RASGRF1: variants seen among roughly 807,000 people sequenced by gnomAD.
The protein encoded by RASGRF1 is ras-specific guanine nucleotide-releasing factor 1.
In RASGRF1, 40 loss-of-function variants were observed where a neutral mutation model predicts 138.7. That is an observed-to-expected ratio of 0.29 (90% CI 0.22 to 0.38). The LOEUF is 0.38. RASGRF1 is among the 10% of genes least tolerant of loss of function. RASGRF1 has a pLI of 1.00. For synonymous variants in RASGRF1, 614 were observed against 663.2 expected, an observed-to-expected ratio of 0.93 and a Z score of 1.14; for missense variants, 1,108 against 1,650.4, an observed-to-expected ratio of 0.67 and a Z score of 5.69.
chr15:79,079,914 C>T (rs1378572413), intron 1 of RASGRF1, among the ~76,000 whole-genome samples: 1 of 152,200 alleles, frequency 6.6e-6, no homozygotes, highest in Non-Finnish European at 1.5e-5. Flanking sequence ...TCCCTGGGAC[C>T]CCACCATTTA....
chr15:79,075,096 G>A (rs1484831760), intron 1 of RASGRF1, among the ~76,000 whole-genome samples: 1 of 152,192 alleles, frequency 6.6e-6, no homozygotes, highest in Non-Finnish European at 1.5e-5. Flanking sequence ...AACCATGGCT[G>A]GACACTGGAG....
At chr15:79,064,292 T>G (rs1035828879) in intron 2 of RASGRF1, 128 bp downstream of exon 2, 29 of 848,992 alleles carry the variant, frequency 3.4e-5, no homozygotes, top group Non-Finnish European at 4.8e-5. Context: ...TGCCAAGAGA[T>G]GCTTCTCCTC....
Position 78,961,609 on chromosome 15 carries a change from G to C in RASGRF1, c.*535C>G, listed in dbSNP as rs77239620. ...CAGGTTACTGGGAGACACATGGGGA[G>C]TTTTGAGACCTGCGATTTTGGCTGG... is the stretch of plus-strand genomic sequence containing the variant. On this transcript the variant is annotated 3_prime_UTR_variant, in exon 27 of 27. Transcript: ENST00000558480. The C allele has an allele frequency of 1.0e-2, 1,549 of 155,112 alleles. 42 individuals carry two copies. Among genetic ancestry groups the C allele is most frequent in the African/African-American group, 0.036 (1,498 of 41,574 alleles). 9.6% of individuals were successfully genotyped at this position (155,112 alleles called of 1,614,324 possible).
chr15:79,043,336 G>A (rs2141019669), intron 5 of RASGRF1, among the ~76,000 whole-genome samples: 1 of 152,306 alleles, frequency 6.6e-6, no homozygotes, highest in South Asian at 2.1e-4. Flanking sequence ...TGATATAAGG[G>A]TAATGCTGAC....
chr15:79,005,667 T>A (rs1422473338), intron 14 of RASGRF1: 1 of 985,406 alleles, frequency 1.0e-6, no homozygotes, highest in Non-Finnish European at 1.2e-6. Flanking sequence ...AAGGGCTCCA[T>A]CATTTCTTAG....
At chr15:79,047,609 C>T (rs1428759514) in intron 4 of RASGRF1, among the ~76,000 whole-genome samples, 1 of 152,220 alleles carries the variant, frequency 6.6e-6, no homozygotes, top group African/African-American at 2.4e-5. Context: ...GTCCTAGTGC[C>T]TGCCTGGAGC....
intron 26 of RASGRF1, 33 bp downstream of exon 26, chr15:78,971,833 G>A (rs771061955): frequency 5.2e-6 from 8 of 1,531,066 alleles, no homozygotes; most frequent in Non-Finnish European, 7.2e-6. Flanking sequence ...CACTGTGAAA[G>A]CATGCAAGTG....
intron 13 of RASGRF1, among the ~76,000 whole-genome samples, chr15:79,014,278 A>G (rs1175775471): frequency 6.6e-6 from 1 of 152,256 alleles, no homozygotes; most frequent in Non-Finnish European, 1.5e-5. Context: ...TCATTACGCA[A>G]AAAAGATCCT....
intron 20 of RASGRF1, among the ~76,000 whole-genome samples, chr15:78,994,836 G>A (rs2056354849): frequency 6.6e-6 from 1 of 152,064 alleles, no homozygotes. Context: ...TCGCTCTGGA[G>A]TCAGCCAGAC....
At chr15:79,061,923 A>G (rs1302173449) in intron 2 of RASGRF1, among the ~76,000 whole-genome samples, 6 of 152,218 alleles carry the variant, frequency 3.9e-5, no homozygotes, top group Admixed American at 3.3e-4. Context: ...AAGCACTAAG[A>G]AGTGGAACTG....
chr15:78,969,270 G>A (rs568048231), intron 26 of RASGRF1, among the ~76,000 whole-genome samples: 2 of 152,238 alleles, frequency 1.3e-5, no homozygotes, highest in African/African-American at 2.4e-5. Context: ...CAGTTGTCTC[G>A]CAGAATGTCC....
intron 20 of RASGRF1, among the ~76,000 whole-genome samples, chr15:78,992,692 T>G (rs1196637210): frequency 6.6e-6 from 1 of 152,198 alleles, no homozygotes; most frequent in African/African-American, 2.4e-5. Context: ...CTCTGAGAGA[T>G]GACTGTCTCG....
intron 1 of RASGRF1, among the ~76,000 whole-genome samples, chr15:79,084,930 G>A (rs1047386813): frequency 6.6e-6 from 1 of 152,088 alleles, no homozygotes; most frequent in Admixed American, 6.5e-5. Context: ...GTGTCTCTTG[G>A]TGAAGTTTTT....
intron 1 of RASGRF1, among the ~76,000 whole-genome samples, chr15:79,077,794 T>G (rs1178838807): frequency 6.6e-6 from 1 of 151,990 alleles, no homozygotes; most frequent in Non-Finnish European, 1.5e-5. Flanking sequence ...ATTACCCACC[T>G]GGACCATCAA....
intron 22 of RASGRF1, among the ~76,000 whole-genome samples, chr15:78,986,639 G>A (rs940778005): frequency 1.3e-4 from 20 of 151,932 alleles, no homozygotes; most frequent in Middle Eastern, 3.2e-3. Flanking sequence ...GAGCCACCGC[G>A]CCCGGCCTTT....
Position 78,960,244 on chromosome 15 carries a change from CA to C in RASGRF1, c.*1899del, listed in dbSNP as rs2055523415. On this transcript the variant is annotated 3_prime_UTR_variant, in exon 27 of 27. Transcript: ENST00000558480. ...TATGGAGCCAGCTGGCTGCAGGTCC[CA>C]GGGGAGGCGGCCTTGGGAGCTCTGG... is the stretch of plus-strand genomic sequence containing the variant. 1 of 152,622 alleles carries C rather than the reference CA, an allele frequency of 6.6e-6. No individual in the cohort carries two copies. The highest frequency in any genetic ancestry group is 2.4e-5 in the African/African-American group (1 of 41,454). The allele number at this position is 152,622 out of a possible 1,614,324, so 9.5% of individuals were successfully genotyped here.
chr15:79,035,022 A>G, intron 6 of RASGRF1, 109 bp downstream of exon 6: 1 of 864,640 alleles, frequency 1.2e-6, no homozygotes, highest in Non-Finnish European at 1.7e-6. Flanking sequence ...TGTGGGTTTT[A>G]AAAAGTGACA....
At chr15:78,980,270 C>T (rs1287755291) in intron 24 of RASGRF1, 2 of 176,938 alleles carry the variant, frequency 1.1e-5, no homozygotes, top group Admixed American at 6.3e-5. Context: ...ACAAAACTGA[C>T]GTTAAGACGT....
At chr15:78,995,902 T>C in intron 19 of RASGRF1, 102 bp from the exon 20 acceptor site, 1 of 1,084,434 alleles carries the variant, frequency 9.2e-7, no homozygotes, top group South Asian at 1.3e-5. Flanking sequence ...CGCCCCTCTG[T>C]CCTCGTCATC....
Sources: gnomAD v4.1 joint callset for allele counts (sites outside exome capture counted in the v4.1 genomes callset) on GRCh38, gnomAD v4.1.1 for gene constraint, MANE v1.5 for transcripts, NCBI Gene and HGNC (gene_info 2026-07-23, HGNC 2026-07-21) for gene names.